Variants in ALX4 observed in about 807,000 individuals in gnomAD.
The protein encoded by ALX4 is homeobox protein aristaless-like 4.
A neutral mutation model predicts 40.6 loss-of-function variants in ALX4; 22 were observed. The observed-to-expected ratio is 0.54, with a 90% CI of 0.39 to 0.77. The LOEUF (loss-of-function observed/expected upper bound fraction) is 0.77, where lower values mean the gene tolerates loss of function less well. Ranked by LOEUF, ALX4 falls within the 30% of genes least tolerant of loss-of-function variation. The probability of loss-of-function intolerance (pLI) is 0.00; values close to 1 mark genes in which losing one functional copy is unlikely to be tolerated. For synonymous variants in ALX4, 266 were observed against 240.5 expected, an observed-to-expected ratio of 1.11 and a Z score of -0.98; for missense variants, 556 against 564.8, an observed-to-expected ratio of 0.98 and a Z score of 0.16.
chr11:44,288,964 TTG>T, intron 1 of ALX4, among the ~76,000 whole-genome samples: 1 of 152,252 alleles, frequency 6.6e-6, no homozygotes, highest in Middle Eastern at 3.4e-3. Context: ...TGTCTGGAAT[TTG>T]TCTTTCCTGT....
At chr11:44,309,090 C>A (rs1365383158) in intron 1 of ALX4, among the ~76,000 whole-genome samples, 5 of 152,186 alleles carry the variant, frequency 3.3e-5, no homozygotes, top group African/African-American at 1.2e-4. Flanking sequence ...GCGCTCTCAC[C>A]TGCGGCGGCG....
chr11:44,297,160 T>A (rs1010953548), intron 1 of ALX4, among the ~76,000 whole-genome samples: 4 of 152,146 alleles, frequency 2.6e-5, no homozygotes, highest in African/African-American at 9.7e-5. Context: ...GAAAAAGTTC[T>A]GGAAACAGTG....
chr11:44,273,303 T>G (rs948217655), intron 2 of ALX4, among the ~76,000 whole-genome samples: 1 of 152,196 alleles, frequency 6.6e-6, no homozygotes, highest in Non-Finnish European at 1.5e-5. Flanking sequence ...ATTTCCAACA[T>G]GCTTTGGGTT....
At chr11:44,305,839 G>A (rs888194045) in intron 1 of ALX4, among the ~76,000 whole-genome samples, 1 of 152,240 alleles carries the variant, frequency 6.6e-6, no homozygotes, top group South Asian at 2.1e-4. Flanking sequence ...TGTCGCCACC[G>A]AATCGAAAGC....
Position 44,275,454 on chromosome 11 carries a change from T to C in ALX4, c.671A>G (p.Tyr224Cys). The C allele has an allele frequency of 6.2e-7, 1 of 1,614,126 alleles. No homozygotes were observed. The highest frequency in any genetic ancestry group is 8.5e-7 in the Non-Finnish European group (1 of 1,179,992). Reference protein sequence around the residue: ...KRRNRTTFTSYQLEELEKVFQ... With the variant: ...KRRNRTTFTSCQLEELEKVFQ... ...GACCTTCTCCAGCTCCTCCAGCTGG[T>C]AGCTGGTGAAGGTGGTCCGGTTCCG... The change falls in exon 2 of 4, where the codon TAC becomes TGC. Residue 224 changes from tyrosine to cysteine, a missense_variant. Transcript: ENST00000652299.
At chr11:44,308,305 C>T (rs1424020172) in intron 1 of ALX4, among the ~76,000 whole-genome samples, 2 of 152,204 alleles carry the variant, frequency 1.3e-5, no homozygotes, top group Admixed American at 1.3e-4. Context: ...AACCTGAATA[C>T]GAGAAAATAT....
rs146633975 is a variant in ALX4 at position 44,275,354 on chromosome 11, G to A, written c.771C>T (p.Arg257=). Residue 257 remains arginine, a synonymous_variant, in exon 2 of 4, where the codon CGC becomes CGT. Transcript: ENST00000652299. ...CCAGGTGGCCCTCACTGACCTGCACGCGGGCCTCAGTGAGGTCTGTCCTCA... is the reference window on the plus strand; with the variant it reads ...CCAGGTGGCCCTCACTGACCTGCACACGGGCCTCAGTGAGGTCTGTCCTCA... ...LAMRTDLTEA[R]VQVWFQNRRA... 65 of 1,614,052 alleles carry A rather than the reference G, an allele frequency of 4.0e-5. No homozygotes were observed. The highest frequency in any genetic ancestry group is 2.5e-4 in the African/African-American group (19 of 74,920).
intron 2 of ALX4, among the ~76,000 whole-genome samples, chr11:44,272,505 A>G (rs1956254359): frequency 1.2e-5 from 1 of 86,812 alleles, no homozygotes; most frequent in East Asian, 3.8e-4. Context: ...CTCTGTCTAA[A>G]AAAAAAAAAG....
chr11:44,271,806 A>G (rs2135310816), intron 2 of ALX4, among the ~76,000 whole-genome samples: 1 of 152,244 alleles, frequency 6.6e-6, no homozygotes, highest in East Asian at 1.9e-4. Context: ...TTTTGTACTC[A>G]AGGCGTCATT....
intron 2 of ALX4, 45 bp from the exon 3 acceptor site, chr11:44,267,667 C>A: frequency 6.2e-7 from 1 of 1,613,204 alleles, no homozygotes; most frequent in Non-Finnish European, 8.5e-7. Flanking sequence ...GAGATGCCCG[C>A]CTGGAGGCCT....
At chr11:44,272,981 A>G (rs1211664626) in intron 2 of ALX4, among the ~76,000 whole-genome samples, 1 of 152,194 alleles carries the variant, frequency 6.6e-6, no homozygotes, top group African/African-American at 2.4e-5. Flanking sequence ...AAAAGTTTGT[A>G]GACTCTATTA....
rs920318355 is a variant in ALX4, at chr11:44,273,183, T to C, written c.777+2165A>G. Among the ~76,000 whole-genome samples the C allele has an allele frequency of 9.6e-4, 114 of 119,068 alleles. 2 individuals carry two copies. The highest frequency in any genetic ancestry group is 7.5e-3 in the Middle Eastern group (2 of 266). 78.1% of individuals were successfully genotyped at this position (119,068 alleles called of 152,430 possible). ...CAGCCCACTGAGCTGCATGGCGCTTTGCTGATTAAAAAAAAAAAAAAAAAA... is the reference window on the plus strand; with the variant it reads ...CAGCCCACTGAGCTGCATGGCGCTTCGCTGATTAAAAAAAAAAAAAAAAAA... On this transcript the variant is annotated intron_variant, in intron 2 of 3. Transcript: ENST00000652299.
intron 3 of ALX4, among the ~76,000 whole-genome samples, chr11:44,266,165 G>A (rs540751296): frequency 2.6e-5 from 4 of 152,242 alleles, no homozygotes; most frequent in Non-Finnish European, 4.4e-5. Context: ...AAGGGGGACC[G>A]GTTGGCCTCC....
In ALX4 at chr11:44,264,076, A is replaced by G. The variant is rs1209487728; in HGVS notation, c.*778T>C. The G allele has an allele frequency of 1.3e-5, 2 of 152,652 alleles. No homozygotes were observed. The highest frequency in any genetic ancestry group is 2.9e-5 in the Non-Finnish European group (2 of 68,294). The allele number at this position is 152,652 out of a possible 1,614,324, so 9.5% of individuals were successfully genotyped here. Reference sequence around the variant, plus strand: ...CTAGCACCATGGGAGCCCTTGTGGCATCTGTGTTCTCAGCCTCCCTCAGGT... The same window carrying G: ...CTAGCACCATGGGAGCCCTTGTGGCGTCTGTGTTCTCAGCCTCCCTCAGGT... On this transcript the variant is annotated 3_prime_UTR_variant, in exon 4 of 4. Transcript: ENST00000652299.
At chr11:44,289,473 G>A (rs141036890) in intron 1 of ALX4, among the ~76,000 whole-genome samples, 1 of 152,298 alleles carries the variant, frequency 6.6e-6, no homozygotes, top group Admixed American at 6.5e-5. Context: ...TGAGAAAACT[G>A]AGGTCCAGTG....
chr11:44,284,074 G>A (rs1257707446), intron 1 of ALX4, among the ~76,000 whole-genome samples: 1 of 152,166 alleles, frequency 6.6e-6, no homozygotes. Flanking sequence ...TTTAACACAT[G>A]CAAAGATGTT....
At position 44,264,836 on chromosome 11, in the gene ALX4, CG is replaced by C; in HGVS notation, c.*17del. On this transcript the variant is annotated 3_prime_UTR_variant, in exon 4 of 4. Transcript: ENST00000652299. ...GGCCCATGGTGTCCCGAGGTGGGGA[CG>C]GGGCAGGGGTGCCCTGTCATGTGGC... 6.2e-7 allele frequency: 1 copy of C among 1,611,570 alleles called. No individual in the cohort carries two copies. Among genetic ancestry groups the C allele is most frequent in the Non-Finnish European group, 8.5e-7 (1 of 1,179,522 alleles).
intron 1 of ALX4, among the ~76,000 whole-genome samples, chr11:44,301,642 T>C (rs1403233922): frequency 9.9e-5 from 15 of 152,162 alleles, no homozygotes; most frequent in Admixed American, 9.8e-4. Context: ...ACTGGACTTA[T>C]TGCAGGAGTC....
intron 1 of ALX4, among the ~76,000 whole-genome samples, chr11:44,291,590 A>G (rs1956369599): frequency 6.6e-6 from 1 of 151,920 alleles, no homozygotes; most frequent in African/African-American, 2.4e-5. Context: ...GTTTTAGTAG[A>G]GACAGGGTTT....
Sources: gnomAD v4.1 joint callset for allele counts (sites outside exome capture counted in the v4.1 genomes callset) on GRCh38, gnomAD v4.1.1 for gene constraint, MANE v1.5 for transcripts, NCBI Gene and HGNC (gene_info 2026-07-23, HGNC 2026-07-21) for gene names.